SUGCT: variants seen among roughly 807,000 people sequenced by gnomAD.
SUGCT encodes succinyl-CoA:glutarate-CoA transferase.
SUGCT carries 41 observed loss-of-function variants against 55.0 expected under a neutral mutation model. That is an observed-to-expected ratio of 0.74 (90% confidence interval 0.58 to 0.97). SUGCT has a LOEUF of 0.97. Ranked by LOEUF, SUGCT falls within the 50% of genes least tolerant of loss-of-function variation. The pLI, the probability that SUGCT is intolerant of heterozygous loss-of-function variation, is 0.00. For missense variants in SUGCT, 568 were observed against 547.8 expected (o/e 1.04, Z -0.37); for synonymous variants, 187 against 200.4 (o/e 0.93, Z 0.56).
At chr7:40,885,263 T>A in the SUGCT span, among the ~76,000 whole-genome samples, 3 of 152,268 alleles carry the variant, frequency 2.0e-5, no homozygotes, top group Middle Eastern at 3.4e-3. Flanking sequence ...CCACAGCAGA[T>A]GTACTGGCTT....
At chr7:40,177,044 A>C (rs1784962582) in intron 1 of SUGCT, among the ~76,000 whole-genome samples, 1 of 151,766 alleles carries the variant, frequency 6.6e-6, no homozygotes, top group South Asian at 2.1e-4. Flanking sequence ...TCCAAATTAT[A>C]CATTTTGTTA....
At position 40,325,633 on chromosome 7, in the gene SUGCT, C is replaced by T. The variant is rs539920971; in HGVS notation, c.816+8778C>T. ...CAGCCTGGCCAACATGGGGAAACCC[C>T]GTCTCTACTAAAAAATACAAAAATT... is the stretch of plus-strand genomic sequence containing the variant. On this transcript the variant is annotated intron_variant, in intron 9 of 13. Transcript: ENST00000335693. Among the ~76,000 whole-genome samples, 6 of 152,150 alleles carry T rather than the reference C, an allele frequency of 3.9e-5. No homozygotes were observed. In the South Asian group the frequency reaches 8.3e-4, roughly 21 times the overall value.
intron 1 of SUGCT, among the ~76,000 whole-genome samples, chr7:40,142,628 C>T (rs911013367): frequency 1.3e-5 from 2 of 152,174 alleles, no homozygotes; most frequent in Non-Finnish European, 2.9e-5. Flanking sequence ...ACTTTTCTAG[C>T]CATCCTGTAA....
At chr7:40,677,254 C>T (rs956652855) in intron 12 of SUGCT, among the ~76,000 whole-genome samples, 2 of 152,182 alleles carry the variant, frequency 1.3e-5, no homozygotes, top group Admixed American at 6.5e-5. Flanking sequence ...GACGTGTTCT[C>T]TAAAGCACCC....
At chr7:40,327,201 T>C (rs1796064441) in intron 9 of SUGCT, among the ~76,000 whole-genome samples, 1 of 152,210 alleles carries the variant, frequency 6.6e-6, no homozygotes, top group South Asian at 2.1e-4. Flanking sequence ...TATTTGCCTT[T>C]GTGTATGCCT....
At chr7:40,198,056 G>C (rs1193519947) in intron 6 of SUGCT, among the ~76,000 whole-genome samples, 1 of 152,182 alleles carries the variant, frequency 6.6e-6, no homozygotes, top group East Asian at 1.9e-4. Flanking sequence ...AGGAAGAATG[G>C]TTCTATCATG....
chr7:40,366,821 T>G (rs1185584475), intron 9 of SUGCT, among the ~76,000 whole-genome samples: 1 of 152,138 alleles, frequency 6.6e-6, no homozygotes, highest in Non-Finnish European at 1.5e-5. Flanking sequence ...TTGGTGGGAC[T>G]GTAAACTAGT....
At chr7:40,395,794 C>T (rs1562745058) in intron 9 of SUGCT, among the ~76,000 whole-genome samples, 1 of 152,108 alleles carries the variant, frequency 6.6e-6, no homozygotes, top group Admixed American at 6.5e-5. Context: ...TTTGGGTAGT[C>T]TTGCTTTTGG....
chr7:40,628,682 C>T (rs925456636), intron 12 of SUGCT, among the ~76,000 whole-genome samples: 1 of 152,042 alleles, frequency 6.6e-6, no homozygotes, highest in African/African-American at 2.4e-5. Context: ...GGATAGCATT[C>T]AACGCTTTAG....
intron 12 of SUGCT, among the ~76,000 whole-genome samples, chr7:40,694,082 A>G (rs536617425): frequency 6.6e-5 from 10 of 152,262 alleles, no homozygotes; most frequent in Admixed American, 3.3e-4. Flanking sequence ...TTTATCAGCT[A>G]TTGTCCTTAA....
chr7:40,344,670 G>A (rs1462245338), intron 9 of SUGCT, among the ~76,000 whole-genome samples: 1 of 152,126 alleles, frequency 6.6e-6, no homozygotes, highest in Non-Finnish European at 1.5e-5. Context: ...TACAGAAAAA[G>A]TTTGCTGACC....
chr7:40,444,366 T>A (rs1252010575), intron 9 of SUGCT, among the ~76,000 whole-genome samples: 2 of 152,196 alleles, frequency 1.3e-5, no homozygotes, highest in South Asian at 2.1e-4. Flanking sequence ...CGTGGAATGT[T>A]CTTCCATTTG....
chr7:41,015,170 A>G, the SUGCT span, among the ~76,000 whole-genome samples: 5 of 152,212 alleles, frequency 3.3e-5, no homozygotes, highest in African/African-American at 1.2e-4. Flanking sequence ...ATGGTGGAGC[A>G]GAAGCAGAGA....
the SUGCT span, among the ~76,000 whole-genome samples, chr7:41,009,887 T>C: frequency 6.6e-6 from 1 of 152,216 alleles, no homozygotes; most frequent in African/African-American, 2.4e-5. Flanking sequence ...AAATCAGTGA[T>C]CACTCTCTTC....
At chr7:40,646,405 C>T (rs1271434828) in intron 12 of SUGCT, among the ~76,000 whole-genome samples, 2 of 152,102 alleles carry the variant, frequency 1.3e-5, no homozygotes, top group African/African-American at 4.8e-5. Flanking sequence ...GTTTAAAACC[C>T]ATCAATGCCT....
intron 6 of SUGCT, 64 bp from the exon 7 acceptor site, chr7:40,237,571 A>G (rs897655681): frequency 1.0e-5 from 12 of 1,182,198 alleles, no homozygotes; most frequent in Admixed American, 3.4e-5. Flanking sequence ...CTAACACACT[A>G]TATTGTACAG....
the SUGCT span, among the ~76,000 whole-genome samples, chr7:40,998,011 A>G: frequency 2.0e-5 from 3 of 151,822 alleles, no homozygotes; most frequent in African/African-American, 7.3e-5. Context: ...CATCCCTGGG[A>G]TCTCTCAGTG....
intron 8 of SUGCT, among the ~76,000 whole-genome samples, chr7:40,275,442 A>G (rs796122212): frequency 6.6e-6 from 1 of 152,224 alleles, no homozygotes; most frequent in East Asian, 1.9e-4. Context: ...TATTAAAAAT[A>G]TATAATTTTT....
intron 8 of SUGCT, among the ~76,000 whole-genome samples, chr7:40,297,556 C>G (rs561836218): frequency 5.7e-4 from 86 of 152,126 alleles, no homozygotes; most frequent in Non-Finnish European, 9.9e-4. Context: ...GAAAAGTACT[C>G]CAGTGCACAT....
Sources: allele counts gnomAD v4.1 joint callset (sites outside exome capture counted in the v4.1 genomes callset), GRCh38; gene constraint gnomAD v4.1.1; transcripts MANE v1.5; gene names NCBI Gene and HGNC (gene_info 2026-07-23, HGNC 2026-07-21).